ANO3: variants seen among roughly 807,000 people sequenced by gnomAD.
ANO3 encodes anoctamin-3.
A neutral mutation model predicts 144.8 loss-of-function variants in ANO3; 99 were observed. That is an observed-to-expected ratio of 0.68 (90% CI 0.58 to 0.81). The LOEUF (loss-of-function observed/expected upper bound fraction) is 0.81, where lower values mean the gene tolerates loss of function less well. Among genes scored for constraint, ANO3 ranks in the 30% least tolerant of loss-of-function variants. The pLI, the probability that ANO3 is intolerant of heterozygous loss-of-function variation, is 0.00. For missense variants in ANO3, 905 were observed against 1,202.2 expected (o/e 0.75, Z 3.66); for synonymous variants, 414 against 392.6 (o/e 1.05, Z -0.64).
rs146148743 is a variant in ANO3 at position 26,388,897 on chromosome 11, CTTCT to C, written c.47-53018_47-53015del. Among the ~76,000 whole-genome samples, 1,188 of 152,228 alleles carry C rather than the reference CTTCT, an allele frequency of 7.8e-3. 28 individuals are homozygous for C. Among genetic ancestry groups the C allele is most frequent in the African/African-American group, 0.028 (1,146 of 41,532 alleles). On this transcript the variant is annotated intron_variant, in intron 1 of 26. Coordinates refer to ENST00000256737, the MANE Select transcript of ANO3 (RefSeq NM_031418.4). ...CCTGTACACACGTTTACTACACAGCCTTCTTTGTTAGATTTTTCAAGTAGGAGTC... is the reference window on the plus strand; with the variant it reads ...CCTGTACACACGTTTACTACACAGCCTTGTTAGATTTTTCAAGTAGGAGTC...
At chr11:26,305,041 C>G (rs574816380), upstream of ANO3, among the ~76,000 whole-genome samples, 2 of 151,318 alleles carry the variant, frequency 1.3e-5, no homozygotes, top group South Asian at 4.2e-4. Context: ...GGGTCCAGTT[C>G]GATCTTCTCA....
At chr11:26,455,899 G>C (rs1257253112) in intron 3 of ANO3, among the ~76,000 whole-genome samples, 4 of 151,760 alleles carry the variant, frequency 2.6e-5, no homozygotes, top group African/African-American at 9.7e-5. Context: ...GAACAGAACA[G>C]AGCCCTCAGA....
chr11:26,221,218 AT>A (rs1261215335), intron 1 of ANO3, among the ~76,000 whole-genome samples: 1 of 152,204 alleles, frequency 6.6e-6, no homozygotes, highest in African/African-American at 2.4e-5. Context: ...ATGTTTTGCT[AT>A]CATAGGCCAG....
At chr11:26,554,012 C>T (rs778171248) in intron 13 of ANO3, among the ~76,000 whole-genome samples, 1 of 152,132 alleles carries the variant, frequency 6.6e-6, no homozygotes, top group Non-Finnish European at 1.5e-5. Context: ...TATATGCGTG[C>T]ACCTGTGAAA....
chr11:26,464,647 A>G (rs1859531930), intron 4 of ANO3, among the ~76,000 whole-genome samples: 3 of 151,972 alleles, frequency 2.0e-5, no homozygotes, highest in East Asian at 1.9e-4. Context: ...TTGGACCTGC[A>G]TGCATATTAT....
chr11:26,516,808 A>G lies in ANO3; in HGVS notation c.592-19A>G, dbSNP rs372611028. On this transcript the variant is annotated intron_variant, in intron 5 of 26. Coordinates refer to ENST00000256737, the MANE Select transcript of ANO3 (RefSeq NM_031418.4). ...GCTCTGATTCTAAATAATGTTGCCTATCTTACTATCATTTGCAGCCAGCTA... is the reference window on the plus strand; with the variant it reads ...GCTCTGATTCTAAATAATGTTGCCTGTCTTACTATCATTTGCAGCCAGCTA... 8 of 1,549,206 alleles carry G rather than the reference A, an allele frequency of 5.2e-6. No homozygotes were observed. The East Asian group carries it at 1.8e-4, about 35-fold the overall frequency.
intron 1 of ANO3, among the ~76,000 whole-genome samples, chr11:26,274,367 T>G (rs1238106509): frequency 1.3e-5 from 2 of 152,172 alleles, no homozygotes; most frequent in East Asian, 3.8e-4. Flanking sequence ...TTTCATCATA[T>G]AAATGCATCA....
chr11:26,654,639 G>T (rs1381678137), intron 24 of ANO3, among the ~76,000 whole-genome samples: 3 of 152,050 alleles, frequency 2.0e-5, no homozygotes, highest in Admixed American at 2.0e-4. Flanking sequence ...AATAGAAATA[G>T]TTACAAGGGA....
intron 1 of ANO3, among the ~76,000 whole-genome samples, chr11:26,223,490 A>C (rs1490796835): frequency 9.9e-5 from 15 of 151,748 alleles, no homozygotes. Context: ...GATTCTTCCA[A>C]ATTCTACCTG....
At chr11:26,565,311 AAG>A (rs769429640) in intron 14 of ANO3, 18 of 1,610,640 alleles carry the variant, frequency 1.1e-5, no homozygotes, top group Non-Finnish European at 8.5e-7. Context: ...TTCCACTATC[AAG>A]GGGGTCACAG....
chr11:26,383,869 T>C (rs1278433856), intron 1 of ANO3, among the ~76,000 whole-genome samples: 1 of 150,996 alleles, frequency 6.6e-6, no homozygotes, highest in Non-Finnish European at 1.5e-5. Flanking sequence ...CACGCATTGT[T>C]CTTGTGCCAT....
At position 26,656,360 on chromosome 11, in the gene ANO3, T is replaced by C. The variant is rs2133096111; in HGVS notation, c.2658-16T>C. 2 of 1,560,428 alleles carry C rather than the reference T, an allele frequency of 1.3e-6. No individual in the cohort carries two copies. The highest frequency in any genetic ancestry group is 1.7e-4 in the Middle Eastern group (1 of 5,920). ...TGATCTCTATTTGTCATTCTCTTTG[T>C]TTTTGTGGATTTCAGGTACAGAGAC... On this transcript the variant is annotated splice_polypyrimidine_tract_variant and intron_variant, in intron 25 of 26. Transcript: ENST00000256737.
At chr11:26,278,400 G>A (rs1342533658) in intron 1 of ANO3, among the ~76,000 whole-genome samples, 1 of 152,136 alleles carries the variant, frequency 6.6e-6, no homozygotes, top group Non-Finnish European at 1.5e-5. Flanking sequence ...GGTTTTAGTG[G>A]TGTTGAGAAT....
At chr11:26,645,285 G>A (rs903948275) in intron 23 of ANO3, among the ~76,000 whole-genome samples, 9 of 151,690 alleles carry the variant, frequency 5.9e-5, no homozygotes, top group African/African-American at 1.9e-4. Flanking sequence ...TTCAATTTTT[G>A]AACTTATTTT....
Position 26,352,366 on chromosome 11 carries a change from ATT to A in ANO3, c.46+20048_46+20049del, listed in dbSNP as rs556994987. The stretch of plus-strand genomic sequence containing the variant: ...AGAGAACATTGAAGATCCTGTCTAT[ATT>A]TTATTTTTTTATTTTTAAAATATAT... On this transcript the variant is annotated intron_variant, in intron 1 of 26. Transcript: ENST00000256737. 2.6e-5 allele frequency among the ~76,000 whole-genome samples: 4 copies of A among 152,198 alleles called. No homozygotes were observed. In the South Asian group the frequency reaches 8.3e-4, roughly 32 times the overall value.
intron 11 of ANO3, among the ~76,000 whole-genome samples, 199 bp from the exon 12 acceptor site, chr11:26,547,217 G>GA (rs1196531362): frequency 6.6e-6 from 1 of 151,746 alleles, no homozygotes; most frequent in Non-Finnish European, 1.5e-5. Context: ...GCCCCATATT[G>GA]AAAATGTTTA....
chr11:26,301,378 A>G (rs1414452857), intron 1 of ANO3, among the ~76,000 whole-genome samples: 3 of 152,314 alleles, frequency 2.0e-5, no homozygotes, highest in East Asian at 3.9e-4. Context: ...GAAAAAATAG[A>G]CTAGATATGC....
At chr11:26,302,431 G>A (rs1456903846) in intron 1 of ANO3, among the ~76,000 whole-genome samples, 1 of 152,174 alleles carries the variant, frequency 6.6e-6, no homozygotes, top group African/African-American at 2.4e-5. Flanking sequence ...GGAGGCAGTG[G>A]TTGCAGTGAG....
At chr11:26,245,417 C>T (rs1274738286) in intron 1 of ANO3, among the ~76,000 whole-genome samples, 2 of 152,124 alleles carry the variant, frequency 1.3e-5, no homozygotes, top group African/African-American at 4.8e-5. Flanking sequence ...TCAATTATTA[C>T]AATAATGGTT....
Sources: allele counts gnomAD v4.1 joint callset (sites outside exome capture counted in the v4.1 genomes callset), GRCh38; gene constraint gnomAD v4.1.1; transcripts MANE v1.5; gene names NCBI Gene and HGNC (gene_info 2026-07-23, HGNC 2026-07-21).